ASGR2: variants seen among roughly 807,000 people sequenced by gnomAD.
ASGR2 encodes asialoglycoprotein receptor 2.
Under a neutral mutation model 32.3 loss-of-function variants are expected in ASGR2, and 34 were observed. The observed-to-expected ratio is 1.05, with a 90% CI of 0.80 to 1.40. The LOEUF (loss-of-function observed/expected upper bound fraction) is 1.40. Among genes scored for constraint, ASGR2 ranks in the 40% most tolerant of loss-of-function variants. ASGR2 has a pLI of 0.00. For synonymous variants in ASGR2, 143 were observed against 150.0 expected (o/e 0.95, Z 0.34); for missense variants, 385 against 386.4 (o/e 1.00, Z 0.03).
intron 2 of ASGR2, among the ~76,000 whole-genome samples, chr17:7,112,131 ACT>A (rs1176475690): frequency 1.8e-5 from 2 of 112,040 alleles, no homozygotes; most frequent in South Asian, 3.3e-4. Context: ...AACAGCAATA[ACT>A]CTATAAAATG....
At chr17:7,101,904 T>C (rs913099475) in intron 8 of ASGR2, among the ~76,000 whole-genome samples, 164 bp from the exon 9 acceptor site, 3 of 152,178 alleles carry the variant, frequency 2.0e-5, no homozygotes, top group Non-Finnish European at 4.4e-5. Flanking sequence ...AGATGTTTCC[T>C]ATGCCCAGTC....
intron 7 of ASGR2, among the ~76,000 whole-genome samples, chr17:7,105,819 C>T (rs1327549294): frequency 6.8e-6 from 1 of 148,098 alleles, no homozygotes; most frequent in Admixed American, 6.9e-5. Flanking sequence ...GTCAGAGTCT[C>T]GCACTGTCAC....
intron 7 of ASGR2, among the ~76,000 whole-genome samples, chr17:7,104,545 G>A (rs314234): frequency 0.27 from 41,640 of 151,422 alleles, 7,025 homozygotes; most frequent in Admixed American, 0.43. Flanking sequence ...CTAGCTACTC[G>A]GGAGACTGAG....
rs1914265808 is a variant in ASGR2 at position 7,108,993 on chromosome 17, G to T, written c.125-105C>A. ...AGGCATAACCTGGGCGGGGGGATTG[G>T]TTGGGGCCATGGGGGGGGGTCATCA... On this transcript the variant is annotated intron_variant, in intron 2 of 8. Coordinates refer to ENST00000691900, the MANE Select transcript of ASGR2 (RefSeq NM_001201352.2). This position sits in a 1 kb window ranked among gnomAD's most constrained non-coding sequence, Gnocchi z 4.9. 1.1e-5 allele frequency: 10 copies of T among 939,538 alleles called. No individual in the cohort carries two copies. Among genetic ancestry groups the T allele is most frequent in the Middle Eastern group, 3.7e-4 (1 of 2,726 alleles). 58.2% of individuals were successfully genotyped at this position (939,538 alleles called of 1,614,324 possible).
Position 7,107,736 on chromosome 17 carries a change from C to T in ASGR2, c.409+100G>A, listed in dbSNP as rs576820508. On this transcript the variant is annotated intron_variant, in intron 5 of 8. Transcript: ENST00000691900. This position sits in a 1 kb window ranked among gnomAD's most constrained non-coding sequence, Gnocchi z 5.0. ...GCTTGCAGGCACACACACGCACGCA[C>T]GCACACGTGCACACTACACACACCG... is the stretch of plus-strand genomic sequence containing the variant. 2.3e-4 allele frequency: 316 copies of T among 1,360,904 alleles called. 2 individuals are homozygous for T. Among genetic ancestry groups the T allele is most frequent in the South Asian group, 8.1e-4 (66 of 81,702 alleles). The allele number at this position is 1,360,904 out of a possible 1,614,324, so 84.3% of individuals were successfully genotyped here. A position where few individuals can be genotyped will look rare whatever the true frequency, so the allele number is the denominator to read the frequency against.
Position 7,108,736 on chromosome 17 carries a change from C to T in ASGR2, c.241+36G>A, listed in dbSNP as rs1914212168. On this transcript the variant is annotated intron_variant, in intron 3 of 8. Transcript: ENST00000691900. This position sits in a 1 kb window ranked among gnomAD's most constrained non-coding sequence, Gnocchi z 4.9. ...CCACTGCCCATGTCTCTTTCCCTAC[C>T]CCTTGCCCATCCCTGCTGGCCCCCG... 1.2e-6 allele frequency: 2 copies of T among 1,613,922 alleles called. No homozygotes were observed. Among genetic ancestry groups the T allele is most frequent in the Non-Finnish European group, 1.7e-6 (2 of 1,179,866 alleles).
At chr17:7,101,852 G>A (rs1356196341) in intron 8 of ASGR2, 112 bp from the exon 9 acceptor site, 4 of 1,390,276 alleles carry the variant, frequency 2.9e-6, no homozygotes, top group East Asian at 2.4e-5. Context: ...GAGCTGGGGT[G>A]TGCCCTGCTA....
rs2151719081 is a variant in ASGR2, at chr17:7,107,672, T to C, written c.409+164A>G. 4 of 880,074 alleles carry C rather than the reference T, an allele frequency of 4.5e-6. No homozygotes were observed. Among genetic ancestry groups the C allele is most frequent in the Admixed American group, 2.1e-5 (1 of 48,360 alleles). The allele number at this position is 880,074 out of a possible 1,614,324, so 54.5% of individuals were successfully genotyped here. ...ACACACCACACACAGATCCATGACATATCACACCACACATACGGAGAGAGA... is the reference window on the plus strand; with the variant it reads ...ACACACCACACACAGATCCATGACACATCACACCACACATACGGAGAGAGA... On this transcript the variant is annotated intron_variant, in intron 5 of 8. Transcript: ENST00000691900. The surrounding 1 kb of genome is among the most constrained non-coding windows in gnomAD (Gnocchi z 5.0).
intron 7 of ASGR2, among the ~76,000 whole-genome samples, chr17:7,106,537 G>A (rs1368099580): frequency 6.6e-6 from 1 of 152,216 alleles, no homozygotes; most frequent in Non-Finnish European, 1.5e-5. Flanking sequence ...TACTAACAGA[G>A]CCTGATGTAA....
upstream of ASGR2, chr17:7,115,090 A>G (rs1445909519): frequency 1.2e-6 from 1 of 852,192 alleles, no homozygotes; most frequent in African/African-American, 1.8e-5. This position sits in a 1 kb window ranked among gnomAD's most constrained non-coding sequence, Gnocchi z 4.2. Flanking sequence ...CCTGACCAGG[A>G]TCACAGCGAC....
At chr17:7,106,455 C>T (rs1201691514) in intron 7 of ASGR2, among the ~76,000 whole-genome samples, 3 of 152,186 alleles carry the variant, frequency 2.0e-5, no homozygotes, top group African/African-American at 7.2e-5. Flanking sequence ...TAGGTCAAAA[C>T]TGATGAAATG....
Position 7,107,625 on chromosome 17 carries a change from A to ACACACACAC in ASGR2, c.409+210_409+211insGTGTGTGTG, listed in dbSNP as rs1913958723. The ACACACACAC allele has an allele frequency of 1.4e-6, 1 of 692,076 alleles. No homozygotes were observed. The highest frequency in any genetic ancestry group is 2.5e-6 in the Non-Finnish European group (1 of 401,630). The allele number at this position is 692,076 out of a possible 1,614,324, so 42.9% of individuals were successfully genotyped here. ...ACCACCACACATGCATACACACACA[A>ACACACACAC]CACACACATATACACCACACTACAC... On this transcript the variant is annotated intron_variant, in intron 5 of 8. Transcript: ENST00000691900. The surrounding 1 kb of genome is among the most constrained non-coding windows in gnomAD (Gnocchi z 5.0).
chr17:7,110,229 G>A (rs1208626697), intron 2 of ASGR2, among the ~76,000 whole-genome samples: 1 of 151,876 alleles, frequency 6.6e-6, no homozygotes, highest in Non-Finnish European at 1.5e-5. Context: ...GACCCCATTT[G>A]ACCCAGGGAG....
intron 7 of ASGR2, among the ~76,000 whole-genome samples, chr17:7,104,699 G>A (rs994359078): frequency 3.3e-5 from 5 of 150,418 alleles, no homozygotes; most frequent in South Asian, 2.1e-4. Flanking sequence ...TTGAGGGGCC[G>A]GGCGTGGTGG....
chr17:7,105,572 G>A (rs1913551467), intron 7 of ASGR2, among the ~76,000 whole-genome samples: 2 of 152,076 alleles, frequency 1.3e-5, no homozygotes, highest in African/African-American at 4.8e-5. Context: ...CCAGCTACTT[G>A]GGAGGCTGAG....
At chr17:7,112,908 C>A (rs866807880) in intron 2 of ASGR2, among the ~76,000 whole-genome samples, 34 of 152,306 alleles carry the variant, frequency 2.2e-4, no homozygotes, top group Middle Eastern at 3.4e-3. Flanking sequence ...TGGCTCTTGC[C>A]CTTCTGCCTA....
At chr17:7,112,044 G>C (rs944486083) in intron 2 of ASGR2, among the ~76,000 whole-genome samples, 1 of 6,952 alleles carries the variant, frequency 1.4e-4, no homozygotes, top group Non-Finnish European at 3.4e-4. Context: ...GAGAGAGAGA[G>C]AGGGGAGGGG....
chr17:7,107,734 C>T lies in ASGR2; in HGVS notation c.409+102G>A. 2.4e-6 allele frequency: 2 copies of T among 821,582 alleles called. No homozygotes were observed. The highest frequency in any genetic ancestry group is 1.8e-6 in the Non-Finnish European group (1 of 562,464). 50.9% of individuals were successfully genotyped at this position (821,582 alleles called of 1,614,324 possible). On this transcript the variant is annotated intron_variant, in intron 5 of 8. Transcript: ENST00000691900. This position sits in a 1 kb window ranked among gnomAD's most constrained non-coding sequence, Gnocchi z 5.0. ...ATGCTTGCAGGCACACACACGCACG[C>T]ACGCACACGTGCACACTACACACAC...
Position 7,101,540 on chromosome 17 carries a change from G to T in ASGR2, c.*35C>A, listed in dbSNP as rs777756708. 4 of 1,603,044 alleles carry T rather than the reference G, an allele frequency of 2.5e-6. No individual in the cohort carries two copies. In the Admixed American group the frequency reaches 6.7e-5, roughly 27 times the overall value. On this transcript the variant is annotated 3_prime_UTR_variant, in exon 9 of 9. Coordinates refer to ENST00000691900, the MANE Select transcript of ASGR2 (RefSeq NM_001201352.2). ...CAACAGAGAAGCCAGAGCTGGGCAGGTGTGGGGTATGGGTTAGCCAGAGGT... is the reference window on the plus strand; with the variant it reads ...CAACAGAGAAGCCAGAGCTGGGCAGTTGTGGGGTATGGGTTAGCCAGAGGT...
Sources: gnomAD v4.1 joint callset for allele counts (sites outside exome capture counted in the v4.1 genomes callset) on GRCh38, gnomAD v4.1.1 for gene constraint, Gnocchi (gnomAD v3.1) non-coding constraint, MANE v1.5 for transcripts, NCBI Gene and HGNC (gene_info 2026-07-23, HGNC 2026-07-21) for gene names.